Variants in RCOR3 observed in about 807,000 individuals in gnomAD.
The protein encoded by RCOR3 is REST corepressor 3.
Under a neutral mutation model 64.1 loss-of-function variants are expected in RCOR3, and 13 were observed. That is an observed-to-expected ratio of 0.20 (90% CI 0.13 to 0.32). The LOEUF is 0.32. Among genes scored for constraint, RCOR3 ranks in the 10% least tolerant of loss-of-function variants. The pLI is 1.00. For missense variants in RCOR3, 489 were observed against 701.2 expected (o/e 0.70, Z 3.42); for synonymous variants, 215 against 239.0 (o/e 0.90, Z 0.93).
At chr1:211,266,332 T>A (rs542708891) in intron 2 of RCOR3, among the ~76,000 whole-genome samples, 9 of 152,338 alleles carry the variant, frequency 5.9e-5, no homozygotes, top group African/African-American at 1.9e-4. Context: ...TCTAGATTTT[T>A]ATTTTTATTG....
chr1:211,297,329 A>G (rs952339634), intron 9 of RCOR3, among the ~76,000 whole-genome samples: 3 of 152,148 alleles, frequency 2.0e-5, no homozygotes, highest in Non-Finnish European at 4.4e-5. Context: ...TAGGTGAACC[A>G]GATACTATTA....
intron 8 of RCOR3, among the ~76,000 whole-genome samples, chr1:211,294,681 C>T (rs891048315): frequency 2.7e-5 from 4 of 150,092 alleles, no homozygotes; most frequent in African/African-American, 9.8e-5. Context: ...GCTCCACCTC[C>T]TGGGTTCACG....
In RCOR3 at chr1:211,259,527, C is replaced by G. The variant is rs1693790739; in HGVS notation, c.-34C>G. On this transcript the variant is annotated 5_prime_UTR_variant, in exon 1 of 12. Coordinates refer to ENST00000419091, the MANE Select transcript of RCOR3 (RefSeq NM_001136223.3). ...TCCGCCTTCACCCTGACGCCTGCCTCTTCCCCTCACCTTTCCCCCTCCCCT... is the reference window on the plus strand; with the variant it reads ...TCCGCCTTCACCCTGACGCCTGCCTGTTCCCCTCACCTTTCCCCCTCCCCT... The G allele has an allele frequency of 6.5e-7, 1 of 1,535,968 alleles. No homozygotes were observed. The highest frequency in any genetic ancestry group is 8.8e-7 in the Non-Finnish European group (1 of 1,140,134).
rs1178674429 is a variant in RCOR3 at position 211,316,371 on chromosome 1, T to A, written c.*2603T>A. 6.6e-6 allele frequency: 1 copy of A among 152,190 alleles called. No individual in the cohort carries two copies. The highest frequency in any genetic ancestry group is 1.5e-5 in the Non-Finnish European group (1 of 68,018). The allele number at this position is 152,190 out of a possible 1,614,324, so 9.4% of individuals were successfully genotyped here. A position where few individuals can be genotyped will look rare whatever the true frequency, so the allele number is the denominator to read the frequency against. On this transcript the variant is annotated 3_prime_UTR_variant, in exon 12 of 12. Transcript: ENST00000419091. ...AGTAAAATAGAATATAAAATAAAGG[T>A]GAAATAATATAAAATTTTGTCTTAA...
intron 8 of RCOR3, among the ~76,000 whole-genome samples, chr1:211,292,810 G>T (rs542636781): frequency 9.2e-5 from 14 of 152,074 alleles, no homozygotes; most frequent in African/African-American, 1.9e-4. Context: ...TCTTGGCCGG[G>T]TGCAGTGGCT....
At chr1:211,268,365 C>CTT (rs1695558882) in intron 2 of RCOR3, among the ~76,000 whole-genome samples, 1 of 85,316 alleles carries the variant, frequency 1.2e-5, no homozygotes, top group Non-Finnish European at 2.4e-5. Context: ...AGTTTCTTTT[C>CTT]TTTCTTTTTT....
At position 211,316,314 on chromosome 1, in the gene RCOR3, A is replaced by G. The variant is rs1011149091; in HGVS notation, c.*2546A>G. 3.3e-5 allele frequency: 5 copies of G among 152,220 alleles called. No homozygotes were observed. The highest frequency in any genetic ancestry group is 2.1e-4 in the South Asian group (1 of 4,830). The allele number at this position is 152,220 out of a possible 1,614,324, so 9.4% of individuals were successfully genotyped here. On this transcript the variant is annotated 3_prime_UTR_variant, in exon 12 of 12. Coordinates refer to ENST00000419091, the MANE Select transcript of RCOR3 (RefSeq NM_001136223.3). Reference sequence around the variant, plus strand: ...ATGAGGTAAGAGTAAGTTATGATCAAACTTTTTATGTTCTTAATAAGCTTG... The same window carrying G: ...ATGAGGTAAGAGTAAGTTATGATCAGACTTTTTATGTTCTTAATAAGCTTG...
intron 9 of RCOR3, among the ~76,000 whole-genome samples, chr1:211,297,742 A>G (rs1483635502): frequency 6.6e-6 from 1 of 152,192 alleles, no homozygotes; most frequent in Non-Finnish European, 1.5e-5. Context: ...TCCTCAGGAT[A>G]TACTTATATT....
rs902010978 is a variant in RCOR3 at position 211,313,329 on chromosome 1, T to G, written c.1318-95T>G. The G allele has an allele frequency of 6.7e-7, 1 of 1,483,330 alleles. No individual in the cohort carries two copies. Among genetic ancestry groups the G allele is most frequent in the Non-Finnish European group, 8.9e-7 (1 of 1,120,550 alleles). The allele number at this position is 1,483,330 out of a possible 1,614,324, so 91.9% of individuals were successfully genotyped here. The stretch of plus-strand genomic sequence containing the variant: ...GTGTTATGTTTTTGTTTTGTTTTGA[T>G]TTGTTTTGTTTTTCCTGTGACAGCC... On this transcript the variant is annotated intron_variant, in intron 11 of 11. Coordinates refer to ENST00000419091, the MANE Select transcript of RCOR3 (RefSeq NM_001136223.3). The surrounding 1 kb of genome is among the most constrained non-coding windows in gnomAD (Gnocchi z 4.7).
At chr1:211,262,325 G>A (rs1334348663) in intron 2 of RCOR3, among the ~76,000 whole-genome samples, 3 of 151,960 alleles carry the variant, frequency 2.0e-5, no homozygotes, top group Admixed American at 2.0e-4. Flanking sequence ...ATGAGCCATC[G>A]CGCCCAGCCT....
chr1:211,310,355 A>G (rs933624983), intron 10 of RCOR3, among the ~76,000 whole-genome samples: 1 of 152,162 alleles, frequency 6.6e-6, no homozygotes, highest in Non-Finnish European at 1.5e-5. Context: ...GATGAGAACA[A>G]ATGTGCCTAG....
At chr1:211,294,633 A>G (rs1412984902) in intron 8 of RCOR3, among the ~76,000 whole-genome samples, 1 of 123,516 alleles carries the variant, frequency 8.1e-6, no homozygotes, top group Admixed American at 1.1e-4. Flanking sequence ...TGTGTCGCCC[A>G]GGCTGGAGTG....
At chr1:211,307,394 CAGG>C (rs1441611541) in intron 10 of RCOR3, among the ~76,000 whole-genome samples, 2 of 151,488 alleles carry the variant, frequency 1.3e-5, no homozygotes, top group East Asian at 3.9e-4. Context: ...GAGGCTGAGG[CAGG>C]AGAATTGCTT....
intron 10 of RCOR3, among the ~76,000 whole-genome samples, chr1:211,308,684 GTTTTTTT>G (rs71585833): frequency 2.4e-5 from 1 of 42,038 alleles, no homozygotes; most frequent in African/African-American, 7.8e-5. Flanking sequence ...TTTTTTTTTT[GTTTTTTT>G]TTTTTTTTGT....
At position 211,265,238 on chromosome 1, in the gene RCOR3, T is replaced by A. The variant is rs541398690; in HGVS notation, c.223+5074T>A. Among the ~76,000 whole-genome samples the A allele has an allele frequency of 4.9e-4, 74 of 152,242 alleles. 1 individual carries two copies. In the South Asian group the frequency reaches 0.015, roughly 31 times the overall value. ...ATATTAAGTTTGATAATAAAGTCTT[T>A]ATCTGTATTTTAAATGTATCCAATT... On this transcript the variant is annotated intron_variant, in intron 2 of 11. Transcript: ENST00000419091.
chr1:211,287,738 G>C (rs1698719782), intron 7 of RCOR3, among the ~76,000 whole-genome samples: 2 of 152,088 alleles, frequency 1.3e-5, no homozygotes, highest in Non-Finnish European at 2.9e-5. Context: ...AAAATTAGCT[G>C]GGCATGGTGG....
intron 2 of RCOR3, among the ~76,000 whole-genome samples, chr1:211,267,032 T>C (rs974232061): frequency 1.3e-5 from 2 of 152,210 alleles, no homozygotes; most frequent in Non-Finnish European, 2.9e-5. Context: ...GAAGCCTTTT[T>C]AGGATAAAGA....
chr1:211,314,334 CT>C lies in RCOR3; in HGVS notation c.*576del, dbSNP rs539821297. ...ATATCCCTTCTTTCAAAAAATGTTGCTTTTTTTTTTAAAGGAATTTTAATAT... is the reference window on the plus strand; with the variant it reads ...ATATCCCTTCTTTCAAAAAATGTTGCTTTTTTTTTAAAGGAATTTTAATAT... On this transcript the variant is annotated 3_prime_UTR_variant, in exon 12 of 12. Transcript: ENST00000419091. 2,041 of 147,504 alleles carry C rather than the reference CT, an allele frequency of 0.014. 18 individuals carry two copies. The highest frequency in any genetic ancestry group is 0.075 in the Middle Eastern group (21 of 280). 9.1% of individuals were successfully genotyped at this position (147,504 alleles called of 1,614,324 possible).
At chr1:211,308,627 A>G (rs1190334625) in intron 10 of RCOR3, among the ~76,000 whole-genome samples, 4 of 146,768 alleles carry the variant, frequency 2.7e-5, no homozygotes, top group Non-Finnish European at 6.0e-5. Flanking sequence ...TTCACTACCC[A>G]TAAGCAGCTT....
Sources: gnomAD v4.1 joint callset for allele counts (sites outside exome capture counted in the v4.1 genomes callset) on GRCh38, gnomAD v4.1.1 for gene constraint, Gnocchi (gnomAD v3.1) non-coding constraint, MANE v1.5 for transcripts, NCBI Gene and HGNC (gene_info 2026-07-23, HGNC 2026-07-21) for gene names.